The following NME6 variants were observed in gnomAD, a reference collection of about 807,000 sequenced individuals.
NME6 encodes the protein nucleoside diphosphate kinase 6, mitochondrial.
Under a neutral mutation model 22.2 loss-of-function variants are expected in NME6, and 16 were observed. The observed-to-expected ratio is 0.72, with a 90% CI of 0.49 to 1.09. The LOEUF (loss-of-function observed/expected upper bound fraction) is 1.09, where lower values mean the gene tolerates loss of function less well. Among genes scored for constraint, NME6 ranks in the 50% least tolerant of loss-of-function variants. The pLI, the probability that NME6 is intolerant of heterozygous loss-of-function variation, is 0.00. For missense variants in NME6, 229 were observed against 239.0 expected, an observed-to-expected ratio of 0.96 and a Z score of 0.28; for synonymous variants, 58 against 85.2, an observed-to-expected ratio of 0.68 and a Z score of 1.76.
chr3:48,291,256 A>G (rs1321743527), downstream of NME6: 1 of 390,682 alleles, frequency 2.6e-6, no homozygotes, highest in Non-Finnish European at 5.0e-6. Flanking sequence ...TCTTTCCTTC[A>G]GCATGCTGGG....
At chr3:48,294,968 G>A in intron 5 of NME6, 107 bp downstream of exon 5, 1 of 1,470,620 alleles carries the variant, frequency 6.8e-7, no homozygotes. Context: ...ACAAAGACCA[G>A]AAACACAAAT....
At position 48,296,786 on chromosome 3, in the gene NME6, C is replaced by G; in HGVS notation, c.134G>C (p.Arg45Pro). 6.2e-7 allele frequency: 1 copy of G among 1,613,756 alleles called. No homozygotes were observed. The highest frequency in any genetic ancestry group is 8.5e-7 in the Non-Finnish European group (1 of 1,179,930). Residue 45 changes from arginine to proline, a missense_variant, in exon 3 of 6, where the codon CGA becomes CCA. Coordinates refer to ENST00000442597, the MANE Select transcript of NME6 (RefSeq NM_001308426.2). ...QILSNKFLIV[R>P]MRELLWRKED... ...CTTTCTCCACAGTAGTTCTCTCATT[C>G]GTACAATCAGGAACTTGTTGCTTAG...
intron 1 of NME6, chr3:48,300,159 A>T: frequency 6.8e-6 from 3 of 441,352 alleles, no homozygotes; most frequent in South Asian, 4.8e-5. Flanking sequence ...ACACATGAAA[A>T]TCTAATCATA....
In NME6 at chr3:48,294,667, T is replaced by A. The variant is rs148416956; in HGVS notation, c.531A>T (p.Val177=). The A allele has an allele frequency of 9.9e-6, 16 of 1,614,078 alleles. No individual in the cohort carries two copies. In the African/African-American group the frequency reaches 1.9e-4, roughly 19 times the overall value. ...CTGGTCCTAGGCCTCCTGTTCCAGCTACATAGTGGACACCTCCCTCTGGGC... is the reference window on the plus strand; with the variant it reads ...CTGGTCCTAGGCCTCCTGTTCCAGCAACATAGTGGACACCTCCCTCTGGGC... The part of the protein sequence containing the change: ...CYSPEGGVHY[V]AGTGGLGPA Residue 177 remains valine, a synonymous_variant, in exon 6 of 6, where the codon GTA becomes GTT. Transcript: ENST00000442597.
chr3:48,298,491 T>C lies in NME6; in HGVS notation c.26A>G (p.Gln9Arg). 1.2e-6 allele frequency: 2 copies of C among 1,610,936 alleles called. No homozygotes were observed. The highest frequency in any genetic ancestry group is 1.7e-6 in the Non-Finnish European group (2 of 1,178,656). The stretch of plus-strand genomic sequence containing the variant: ...CAGGGCTAGAGTGAGCTGGAGAGCC[T>C]GAGGGCTTCGCAAGATTGAGGCCAT... MASILRSP[Q>R]ALQLTLALIK... The change falls in exon 2 of 6, where the codon CAG becomes CGG. Residue 9 changes from glutamine (Q) to arginine (R), a missense_variant. Transcript: ENST00000442597.
downstream of NME6, among the ~76,000 whole-genome samples, chr3:48,289,433 G>A (rs2034314225): frequency 6.6e-6 from 1 of 152,148 alleles, no homozygotes; most frequent in Admixed American, 6.5e-5. Flanking sequence ...GATGGTGAGA[G>A]TGGAAGAGAC....
At chr3:48,298,047 C>T (rs1490387075) in intron 2 of NME6, 2 of 288,944 alleles carry the variant, frequency 6.9e-6, no homozygotes, top group Non-Finnish European at 1.3e-5. Flanking sequence ...AATACCTTGA[C>T]TTTGGCCTTG....
downstream of NME6, among the ~76,000 whole-genome samples, chr3:48,288,037 A>G (rs2034258313): frequency 6.6e-6 from 1 of 152,150 alleles, no homozygotes; most frequent in African/African-American, 2.4e-5. Flanking sequence ...ACAGGGATGT[A>G]GAAGGGACTA....
chr3:48,289,259 TC>T (rs781632253), downstream of NME6, among the ~76,000 whole-genome samples: 3 of 152,084 alleles, frequency 2.0e-5, no homozygotes, highest in Non-Finnish European at 2.9e-5. Flanking sequence ...AGACAGGGTT[TC>T]ACCATGTTGG....
chr3:48,294,978 T>TG, intron 5 of NME6, 97 bp downstream of exon 5: 1 of 1,483,492 alleles, frequency 6.7e-7, no homozygotes, highest in Non-Finnish European at 9.2e-7. Flanking sequence ...GAAACACAAA[T>TG]GGAAGAAAGC....
At chr3:48,289,081 T>G (rs2034297642), downstream of NME6, among the ~76,000 whole-genome samples, 1 of 152,024 alleles carries the variant, frequency 6.6e-6, no homozygotes, top group African/African-American at 2.4e-5. Flanking sequence ...TTTTTTTTTT[T>G]GAGACGGAGT....
At chr3:48,291,215 A>C, downstream of NME6, 1 of 366,988 alleles carries the variant, frequency 2.7e-6, no homozygotes, top group South Asian at 2.3e-5. Flanking sequence ...ATATATTGGA[A>C]AAATAAGCAG....
At position 48,295,165 on chromosome 3, in the gene NME6, T is replaced by C; in HGVS notation, c.304A>G (p.Thr102Ala). The C allele has an allele frequency of 1.2e-6, 2 of 1,614,174 alleles. No homozygotes were observed. Among genetic ancestry groups the C allele is most frequent in the South Asian group, 1.1e-5 (1 of 91,084 alleles). The part of the protein sequence containing the change: ...IQLWRTLMGP[T>A]RVFRARHVAP... ...ACATGGCGTGCTCGGAACACTCTGG[T>C]GGGTCCCATGAGCGTCCTCCAGAGC... Residue 102 changes from threonine (T) to alanine (A), a missense_variant, in exon 5 of 6, where the codon ACC becomes GCC. Transcript: ENST00000442597.
chr3:48,296,253 T>C, intron 3 of NME6, 95 bp from the exon 4 acceptor site: 1 of 1,565,018 alleles, frequency 6.4e-7, no homozygotes, highest in Non-Finnish European at 8.7e-7. Flanking sequence ...TAATAAAAAT[T>C]GTTTCAGAGA....
At chr3:48,301,196 G>T in intron 1 of NME6, 157 bp downstream of exon 1, 1 of 1,426,844 alleles carries the variant, frequency 7.0e-7, no homozygotes, top group Non-Finnish European at 9.5e-7. Context: ...ACGCCCTCCA[G>T]CCCCCCGGGC....
In NME6 at chr3:48,294,486, G is replaced by A; in HGVS notation, c.*151C>T. On this transcript the variant is annotated 3_prime_UTR_variant, in exon 6 of 6. Coordinates refer to ENST00000442597, the MANE Select transcript of NME6 (RefSeq NM_001308426.2). Reference sequence around the variant, plus strand: ...GGTAGATAGAAGGCTAGATCCTGGAGGATGTGCTGTGGTGAGCTAGGCCCT... The same window carrying A: ...GGTAGATAGAAGGCTAGATCCTGGAAGATGTGCTGTGGTGAGCTAGGCCCT... 1.5e-6 allele frequency: 1 copy of A among 650,630 alleles called. No individual in the cohort carries two copies. Among genetic ancestry groups the A allele is most frequent in the Non-Finnish European group, 2.6e-6 (1 of 377,810 alleles). The allele number at this position is 650,630 out of a possible 1,614,324, so 40.3% of individuals were successfully genotyped here. A position where few individuals can be genotyped will look rare whatever the true frequency, so the allele number is the denominator to read the frequency against.
intron 2 of NME6, chr3:48,297,405 A>T (rs1025307781): frequency 6.5e-6 from 1 of 152,932 alleles, no homozygotes; most frequent in African/African-American, 2.4e-5. Flanking sequence ...ACCAAAGTTT[A>T]CCATTCCTTT....
rs911733271 is a variant in NME6, at chr3:48,296,140, C to T, written c.212G>A (p.Arg71Lys). ...GTACCTGGCCATGAACTCCACCAGC[C>T]TCTGATAGAAAAAACGCCCTGCAAA... ...REHEGRFFYQ[R>K]LVEFMASGPI... Residue 71 changes from arginine (R) to lysine (K), a missense_variant, in exon 4 of 6, where the codon AGG (arginine) becomes AAG (lysine). By Grantham distance (26) the Arg-to-Lys change is conservative (BLOSUM62 2). Transcript: ENST00000442597. 1.2e-6 allele frequency: 2 copies of T among 1,613,884 alleles called. No individual in the cohort carries two copies. The highest frequency in any genetic ancestry group is 1.7e-6 in the Non-Finnish European group (2 of 1,179,752).
intron 4 of NME6, chr3:48,295,900 A>G: frequency 5.2e-6 from 3 of 572,990 alleles, no homozygotes; most frequent in Non-Finnish European, 9.4e-6. Flanking sequence ...TATTTTTAGT[A>G]GAGACGGTGT....
Sources: allele counts gnomAD v4.1 joint callset (sites outside exome capture counted in the v4.1 genomes callset), GRCh38; gene constraint gnomAD v4.1.1; transcripts MANE v1.5; gene names NCBI Gene and HGNC (gene_info 2026-07-23, HGNC 2026-07-21).